FGF14: variants seen among roughly 807,000 people sequenced by gnomAD.
The protein encoded by FGF14 is fibroblast growth factor 14.
FGF14 carries 5 observed loss-of-function variants against 25.5 expected under a neutral mutation model. The ratio of observed to expected loss-of-function variants is 0.20; its 90% CI spans 0.10 to 0.41. FGF14 has a LOEUF of 0.41. Ranked by LOEUF, FGF14 falls within the 10% of genes least tolerant of loss-of-function variation. The pLI, the probability that FGF14 is intolerant of heterozygous loss-of-function variation, is 1.00. For synonymous variants in FGF14, 138 were observed against 118.3 expected (o/e 1.17, Z -1.08); for missense variants, 222 against 320.1 (o/e 0.69, Z 2.34).
At chr13:102,081,924 C>A (rs1159374614) in intron 1 of FGF14, among the ~76,000 whole-genome samples, 1 of 152,066 alleles carries the variant, frequency 6.6e-6, no homozygotes, top group East Asian at 1.9e-4. Context: ...TGGAATCATA[C>A]CAATACAGCA....
chr13:101,871,505 C>T (rs546147421), intron 2 of FGF14, among the ~76,000 whole-genome samples: 1 of 152,174 alleles, frequency 6.6e-6, no homozygotes, highest in Admixed American at 6.6e-5. Flanking sequence ...ATATTTTACA[C>T]ATCAAGTTAC....
At chr13:101,881,461 CCTA>C (rs1342014919) in intron 1 of FGF14, among the ~76,000 whole-genome samples, 1 of 152,188 alleles carries the variant, frequency 6.6e-6, no homozygotes, top group African/African-American at 2.4e-5. Context: ...TGTGCTTTGG[CCTA>C]CTAATTTATT....
At chr13:101,895,952 C>G (rs1432901201) in intron 1 of FGF14, among the ~76,000 whole-genome samples, 2 of 152,140 alleles carry the variant, frequency 1.3e-5, no homozygotes, top group African/African-American at 4.8e-5. Flanking sequence ...TTGTATTCTA[C>G]TTGAATATCC....
intron 1 of FGF14, among the ~76,000 whole-genome samples, chr13:102,109,806 G>C (rs2045127104): frequency 6.6e-6 from 1 of 152,160 alleles, no homozygotes; most frequent in Non-Finnish European, 1.5e-5. Flanking sequence ...TTTTAGTAGA[G>C]ATGGGCTTTC....
intron 1 of FGF14, among the ~76,000 whole-genome samples, chr13:102,352,776 C>T (rs1172692442): frequency 6.9e-6 from 1 of 145,830 alleles, no homozygotes. Context: ...CGCGCCACTG[C>T]ACTCCAGCCT....
chr13:101,716,727 C>A lies in FGF14; in HGVS notation c.*6104G>T. 2 of 138,322 alleles carry A rather than the reference C, an allele frequency of 1.4e-5. No homozygotes were observed. Among genetic ancestry groups the A allele is most frequent in the African/African-American group, 2.7e-5 (1 of 36,620 alleles). The allele number at this position is 138,322 out of a possible 1,614,324, so 8.6% of individuals were successfully genotyped here. A position where few individuals can be genotyped will look rare whatever the true frequency, so the allele number is the denominator to read the frequency against. On this transcript the variant is annotated 3_prime_UTR_variant, in exon 5 of 5. Transcript: ENST00000376143. Reference sequence around the variant, plus strand: ...TACTTACTGGAAACCTGGGGTCATGCAAAGAAGTCAAGACGAGAAATACTG... The same window carrying A: ...TACTTACTGGAAACCTGGGGTCATGAAAAGAAGTCAAGACGAGAAATACTG...
rs185060663 is a variant in FGF14, at chr13:101,740,242, C to T, written c.409-13432G>A. Among the ~76,000 whole-genome samples the T allele has an allele frequency of 3.8e-3, 579 of 152,242 alleles. 3 individuals are homozygous for T. The highest frequency in any genetic ancestry group is 7.0e-3 in the Non-Finnish European group (479 of 68,018). On this transcript the variant is annotated intron_variant, in intron 3 of 4. Coordinates refer to ENST00000376143, the MANE Select transcript of FGF14 (RefSeq NM_004115.4). ...CTCAATGTCTGAGAGGTTTTGTCTG[C>T]GGCTCATTCTGCTACAAGGGTTTTC...
intron 1 of FGF14, among the ~76,000 whole-genome samples, chr13:102,374,061 T>G (rs1326224897): frequency 1.3e-5 from 2 of 152,132 alleles, no homozygotes; most frequent in Non-Finnish European, 2.9e-5. Flanking sequence ...CAGGATCCTT[T>G]CAACTCTGAA....
At chr13:102,014,300 T>G (rs1333348064) in intron 1 of FGF14, among the ~76,000 whole-genome samples, 1 of 152,126 alleles carries the variant, frequency 6.6e-6, no homozygotes, top group Admixed American at 6.6e-5. Context: ...AAAGCAACTT[T>G]TAGTTAATTT....
chr13:102,016,606 T>C (rs1208016604), intron 1 of FGF14, among the ~76,000 whole-genome samples: 1 of 152,162 alleles, frequency 6.6e-6, no homozygotes, highest in African/African-American at 2.4e-5. Context: ...GATTCAAGAT[T>C]CACATCATGA....
chr13:102,351,574 G>A (rs954502603), intron 1 of FGF14, among the ~76,000 whole-genome samples: 1 of 152,228 alleles, frequency 6.6e-6, no homozygotes, highest in Admixed American at 6.5e-5. Context: ...AATGCAGAGC[G>A]TCTTAGCTGG....
Position 101,715,549 on chromosome 13 carries a change from G to A in FGF14, c.*7282C>T. On this transcript the variant is annotated 3_prime_UTR_variant, in exon 5 of 5. Transcript: ENST00000376143. ...TTGATCATAATCATGATACCTATAT[G>A]TATTTTATTGCAGGGAATGGAATAT... 3 of 1,571,834 alleles carry A rather than the reference G, an allele frequency of 1.9e-6. No individual in the cohort carries two copies. Among genetic ancestry groups the A allele is most frequent in the Admixed American group, 3.3e-5 (2 of 59,966 alleles).
At chr13:101,939,109 C>T (rs1422677534) in intron 1 of FGF14, among the ~76,000 whole-genome samples, 1 of 152,152 alleles carries the variant, frequency 6.6e-6, no homozygotes, top group Non-Finnish European at 1.5e-5. Context: ...AGATTGGAAA[C>T]ATCAGAATAA....
intron 3 of FGF14, among the ~76,000 whole-genome samples, chr13:101,743,422 A>T (rs927108669): frequency 1.3e-4 from 20 of 152,264 alleles, no homozygotes; most frequent in African/African-American, 4.8e-4. Context: ...AAGGCTTTTT[A>T]ATTAATTAAT....
chr13:101,902,050 G>T (rs1409521291), intron 1 of FGF14, among the ~76,000 whole-genome samples: 2 of 151,972 alleles, frequency 1.3e-5, no homozygotes, highest in Non-Finnish European at 2.9e-5. Flanking sequence ...CTAAGATATT[G>T]GTTGCTTTAT....
At chr13:101,836,131 G>A (rs1200446731) in intron 3 of FGF14, among the ~76,000 whole-genome samples, 1 of 152,012 alleles carries the variant, frequency 6.6e-6, no homozygotes, top group Non-Finnish European at 1.5e-5. Context: ...CATGACTGTG[G>A]TATTAGCACT....
chr13:101,806,473 AATTTT>A (rs1262031374), intron 3 of FGF14, among the ~76,000 whole-genome samples: 7 of 151,638 alleles, frequency 4.6e-5, no homozygotes, highest in Non-Finnish European at 7.4e-5. Context: ...ACATTGAGAA[AATTTT>A]TTTTTTTGTT....
chr13:102,251,924 A>G (rs1028874053), intron 1 of FGF14, among the ~76,000 whole-genome samples: 1 of 152,164 alleles, frequency 6.6e-6, no homozygotes, highest in Non-Finnish European at 1.5e-5. Context: ...AATCCAGAGA[A>G]CTCATTTTCT....
intron 1 of FGF14, among the ~76,000 whole-genome samples, chr13:102,161,628 G>GA (rs1388567623): frequency 3.9e-3 from 24 of 6,202 alleles, no homozygotes; most frequent in Middle Eastern, 0.083. Flanking sequence ...AGAAGAAGAA[G>GA]AAGAAGAAGA....
Sources: allele counts gnomAD v4.1 joint callset (sites outside exome capture counted in the v4.1 genomes callset), GRCh38; gene constraint gnomAD v4.1.1; transcripts MANE v1.5; gene names NCBI Gene and HGNC (gene_info 2026-07-23, HGNC 2026-07-21).